Variants in DPP6 observed in about 807,000 individuals in gnomAD.
DPP6 encodes the protein dipeptidyl peptidase like 6.
Under a neutral mutation model 122.6 loss-of-function variants are expected in DPP6, and 69 were observed. That is an observed-to-expected ratio of 0.56 (90% CI 0.46 to 0.69). The LOEUF (loss-of-function observed/expected upper bound fraction) is 0.69, where lower values mean the gene tolerates loss of function less well. DPP6 is among the 30% of genes least tolerant of loss of function. The pLI, the probability that DPP6 is intolerant of heterozygous loss-of-function variation, is 0.00. For synonymous variants in DPP6, 418 were observed against 433.1 expected, an observed-to-expected ratio of 0.97 and a Z score of 0.43; for missense variants, 928 against 1,116.9, an observed-to-expected ratio of 0.83 and a Z score of 2.41.
chr7:153,820,933 C>T, the DPP6 span, among the ~76,000 whole-genome samples: 3 of 136,320 alleles, frequency 2.2e-5, no homozygotes, highest in Non-Finnish European at 4.8e-5. Context: ...GTTCCTGCTT[C>T]CTGGGCATAC....
At chr7:153,795,810 T>C in the DPP6 span, among the ~76,000 whole-genome samples, 2 of 150,816 alleles carry the variant, frequency 1.3e-5, no homozygotes, top group African/African-American at 2.4e-5. Flanking sequence ...CTCATTCCCT[T>C]GAAAATTCTT....
At chr7:154,433,135 A>AGTTTTTTTTTTTT (rs1818565573) in intron 1 of DPP6, among the ~76,000 whole-genome samples, 1 of 97,822 alleles carries the variant, frequency 1.0e-5, no homozygotes, top group African/African-American at 5.0e-5. Context: ...CTAGACTGCA[A>AGTTTTTTTTTTTT]GTTTTTTTTT....
intron 1 of DPP6, among the ~76,000 whole-genome samples, chr7:154,252,413 C>T (rs1802409842): frequency 6.6e-6 from 1 of 152,224 alleles, no homozygotes. Context: ...TTTAGAACTG[C>T]TGGCTATGAT....
At chr7:154,365,632 G>A (rs1328948068) in intron 1 of DPP6, among the ~76,000 whole-genome samples, 1 of 152,204 alleles carries the variant, frequency 6.6e-6, no homozygotes, top group Non-Finnish European at 1.5e-5. Flanking sequence ...GCCTGGTCTT[G>A]CGGTTCACAT....
intron 1 of DPP6, among the ~76,000 whole-genome samples, chr7:154,225,746 T>A (rs1800559402): frequency 6.6e-6 from 1 of 152,162 alleles, no homozygotes; most frequent in African/African-American, 2.4e-5. Context: ...TACTAACTTT[T>A]CTAAAGTTAC....
intron 1 of DPP6, among the ~76,000 whole-genome samples, chr7:154,018,267 A>G (rs543095350): frequency 6.6e-6 from 1 of 152,062 alleles, no homozygotes; most frequent in Admixed American, 6.5e-5. Flanking sequence ...CACAGAGGCC[A>G]ACACAGTGCC....
chr7:153,930,406 A>C (rs991434102), intron 1 of DPP6, among the ~76,000 whole-genome samples: 1 of 152,198 alleles, frequency 6.6e-6, no homozygotes, highest in Admixed American at 6.5e-5. Flanking sequence ...CTTAGAAACC[A>C]GCATCCTCTG....
chr7:154,117,832 C>T (rs1467211180), intron 1 of DPP6, among the ~76,000 whole-genome samples: 5 of 151,814 alleles, frequency 3.3e-5, no homozygotes, highest in African/African-American at 7.2e-5. Context: ...TGTTTCTGAG[C>T]GAGGACTGTA....
chr7:154,678,358 AC>A (rs1386563777), intron 7 of DPP6, among the ~76,000 whole-genome samples: 1 of 152,174 alleles, frequency 6.6e-6, no homozygotes. Context: ...TGTAACACTC[AC>A]TGCAAAGGTC....
chr7:153,760,008 A>T, the DPP6 span, among the ~76,000 whole-genome samples: 79,539 of 148,904 alleles, frequency 0.53, 20,931 homozygotes, highest in East Asian at 0.68. Flanking sequence ...TCTGTATGTG[A>T]GTGAGTGTGT....
chr7:154,892,201 C>A, intron 25 of DPP6, 133 bp from the exon 26 acceptor site: 2 of 1,243,850 alleles, frequency 1.6e-6, no homozygotes, highest in Non-Finnish European at 1.1e-6. Context: ...GCATGGTTAG[C>A]AAACCCACTT....
chr7:154,361,017 A>G (rs1221093681), intron 1 of DPP6, among the ~76,000 whole-genome samples: 3 of 152,090 alleles, frequency 2.0e-5, no homozygotes, highest in Non-Finnish European at 4.4e-5. Context: ...GTATAATAAG[A>G]TGCTGGATTC....
chr7:154,243,611 C>A (rs879834997), intron 1 of DPP6, among the ~76,000 whole-genome samples: 7 of 151,898 alleles, frequency 4.6e-5, no homozygotes, highest in Non-Finnish European at 7.4e-5. Context: ...CTGGCTAACA[C>A]ACTGAAACCC....
At chr7:154,548,393 A>G (rs908453933) in intron 4 of DPP6, among the ~76,000 whole-genome samples, 2 of 150,446 alleles carry the variant, frequency 1.3e-5, no homozygotes, top group African/African-American at 4.9e-5. Flanking sequence ...GTGACACCCC[A>G]TCTCTATGCC....
At chr7:153,932,435 T>A in intron 1 of DPP6, among the ~76,000 whole-genome samples, 1 of 152,058 alleles carries the variant, frequency 6.6e-6, no homozygotes, top group Admixed American at 6.6e-5. Flanking sequence ...TCATTTTGTT[T>A]ATATGAACTA....
intron 8 of DPP6, among the ~76,000 whole-genome samples, chr7:154,766,908 G>T (rs1212600258): frequency 6.6e-6 from 1 of 152,070 alleles, no homozygotes; most frequent in East Asian, 1.9e-4. Flanking sequence ...GGTGACCCTT[G>T]CCCCCCCTTG....
At chr7:154,415,527 T>C (rs972311555) in intron 1 of DPP6, among the ~76,000 whole-genome samples, 1 of 151,980 alleles carries the variant, frequency 6.6e-6, no homozygotes, top group Non-Finnish European at 1.5e-5. Context: ...GCGGTACAAG[T>C]GGCTATGTGA....
At chr7:154,536,701 A>G (rs1336966471) in intron 3 of DPP6, among the ~76,000 whole-genome samples, 1 of 152,222 alleles carries the variant, frequency 6.6e-6, no homozygotes, top group African/African-American at 2.4e-5. Flanking sequence ...ACAAAGGTAC[A>G]TAATTTCACA....
At chr7:154,732,073 T>C (rs2131379147) in intron 8 of DPP6, among the ~76,000 whole-genome samples, 1 of 151,896 alleles carries the variant, frequency 6.6e-6, no homozygotes, top group Non-Finnish European at 1.5e-5. Context: ...GAGTCTTGCT[T>C]TGTCACCCAG....
Sources: gnomAD v4.1 joint callset for allele counts (sites outside exome capture counted in the v4.1 genomes callset) on GRCh38, gnomAD v4.1.1 for gene constraint, MANE v1.5 for transcripts, NCBI Gene and HGNC (gene_info 2026-07-23, HGNC 2026-07-21) for gene names.